The following USP40 variants were observed in gnomAD, a reference collection of about 807,000 sequenced individuals.
USP40 encodes the protein ubiquitin carboxyl-terminal hydrolase 40.
In USP40, 143 loss-of-function variants were observed where a neutral mutation model predicts 166.2. That is an observed-to-expected ratio of 0.86 (90% CI 0.75 to 0.99). USP40 has a LOEUF of 0.99. Ranked by LOEUF, USP40 falls within the 50% of genes least tolerant of loss-of-function variation. The probability of loss-of-function intolerance (pLI) is 0.00; values close to 1 mark genes in which losing one functional copy is unlikely to be tolerated. For synonymous variants in USP40, 498 were observed against 524.0 expected (o/e 0.95, Z 0.68); for missense variants, 1,444 against 1,479.7 (o/e 0.98, Z 0.40).
chr2:233,507,017 T>C (rs1397591569), intron 21 of USP40, among the ~76,000 whole-genome samples: 1 of 152,058 alleles, frequency 6.6e-6, no homozygotes, highest in African/African-American at 2.4e-5. Context: ...CAAAAGACTT[T>C]AGTAAACATT....
intron 7 of USP40, among the ~76,000 whole-genome samples, chr2:233,549,483 C>A (rs1451916921): frequency 6.6e-6 from 1 of 152,032 alleles, no homozygotes; most frequent in East Asian, 1.9e-4. Flanking sequence ...AAATACGTTA[C>A]TTTTATGTAC....
At chr2:233,494,968 A>ACATATATATAATATAATG (rs2065648277) in intron 24 of USP40, among the ~76,000 whole-genome samples, 1 of 77,820 alleles carries the variant, frequency 1.3e-5, no homozygotes, top group Non-Finnish European at 2.5e-5. Context: ...ATATATATAT[A>ACATATATATAATATAATG]TATATATATA....
intron 28 of USP40, among the ~76,000 whole-genome samples, chr2:233,487,243 CTTA>C (rs2065004411): frequency 6.6e-6 from 1 of 152,212 alleles, no homozygotes; most frequent in Non-Finnish European, 1.5e-5. Flanking sequence ...AATGCCTGAA[CTTA>C]TTAGTCATCA....
chr2:233,542,174 A>T (rs2069477692), intron 9 of USP40, 94 bp downstream of exon 9: 1 of 546,336 alleles, frequency 1.8e-6, no homozygotes, highest in East Asian at 3.5e-5. Context: ...CACACCTAGC[A>T]ATTAAACCGC....
chr2:233,491,728 T>C (rs900541980), intron 25 of USP40, among the ~76,000 whole-genome samples: 1 of 152,170 alleles, frequency 6.6e-6, no homozygotes, highest in Non-Finnish European at 1.5e-5. Context: ...CCCCAGTTCC[T>C]GGTACAATGG....
rs528044161 is a variant in USP40 at position 233,515,620 on chromosome 2, A to T, written c.2384-2998T>A. ...GTTGATTGTCAAATATGTGTTTCAT[A>T]AATATTTTCTCCCAGTTTGTGGCTT... On this transcript the variant is annotated intron_variant, in intron 18 of 31. Coordinates refer to ENST00000678225, the MANE Select transcript of USP40 (RefSeq NM_001365479.2). Among the ~76,000 whole-genome samples the T allele has an allele frequency of 2.0e-5, 3 of 152,124 alleles. No individual in the cohort carries two copies. The South Asian group carries it at 6.2e-4, about 32-fold the overall frequency.
At chr2:233,519,765 G>C (rs1314598416) in intron 17 of USP40, 94 bp from the exon 18 acceptor site, 3 of 647,942 alleles carry the variant, frequency 4.6e-6, no homozygotes, top group East Asian at 3.4e-5. Context: ...AATTATTTGA[G>C]ATATTAATTA....
At chr2:233,512,977 T>A (rs2066938279) in intron 18 of USP40, 1 of 153,930 alleles carries the variant, frequency 6.5e-6, no homozygotes, top group African/African-American at 2.4e-5. Flanking sequence ...TAAAACCCTC[T>A]TCGTTATTAA....
chr2:233,483,098 T>C (rs947605830), intron 30 of USP40, among the ~76,000 whole-genome samples: 16 of 152,228 alleles, frequency 1.1e-4, no homozygotes, highest in African/African-American at 3.9e-4. Context: ...GTGACTTCCC[T>C]TTTCACTGTT....
At chr2:233,494,270 C>A (rs1308080314) in intron 24 of USP40, among the ~76,000 whole-genome samples, 2 of 144,624 alleles carry the variant, frequency 1.4e-5, no homozygotes, top group Admixed American at 6.8e-5. Context: ...CAACAAAATT[C>A]CATTTTTTTT....
At chr2:233,515,671 T>C (rs986578056) in intron 18 of USP40, among the ~76,000 whole-genome samples, 1 of 152,052 alleles carries the variant, frequency 6.6e-6, no homozygotes, top group African/African-American at 2.4e-5. Context: ...TTTTGAAGAG[T>C]AGAAGTTTAA....
In USP40 at chr2:233,533,499, T is replaced by A; in HGVS notation, c.1451A>T (p.Gln484Leu). The A allele has an allele frequency of 6.2e-7, 1 of 1,613,546 alleles. No homozygotes were observed. Among genetic ancestry groups the A allele is most frequent in the Non-Finnish European group, 8.5e-7 (1 of 1,179,564 alleles). ...CATACCTTCAGGGGGTCTCTGCAAC[T>A]GGGATTTCCGATAAAACAACATGTA... ...SAYMLFYRKSQLQRPPEARAN... is the reference protein window; with the variant it reads ...SAYMLFYRKSLLQRPPEARAN... The change falls in exon 11 of 32, where the codon CAG becomes CTG. Residue 484 changes from glutamine (Q) to leucine (L), a missense_variant. Coordinates refer to ENST00000678225, the MANE Select transcript of USP40 (RefSeq NM_001365479.2).
In USP40 at chr2:233,485,556, T is replaced by C; in HGVS notation, c.3479A>G (p.Lys1160Arg). ...DYLQGAPYYL[K>R]DGDTIGVKNL... ...CTTAACACCAATAGTATCTCCGTCTTTCAAGTAATACGGTGCCCCTTGCAA... is the reference window on the plus strand; with the variant it reads ...CTTAACACCAATAGTATCTCCGTCTCTCAAGTAATACGGTGCCCCTTGCAA... The change falls in exon 30 of 32, where the codon AAA (lysine) becomes AGA (arginine). Residue 1160 changes from lysine (K) to arginine (R), a missense_variant. Coordinates refer to ENST00000678225, the MANE Select transcript of USP40 (RefSeq NM_001365479.2). 1 of 1,613,954 alleles carries C rather than the reference T, an allele frequency of 6.2e-7. No individual in the cohort carries two copies. Among genetic ancestry groups the C allele is most frequent in the Non-Finnish European group, 8.5e-7 (1 of 1,179,862 alleles).
chr2:233,523,838 C>T (rs1298735001), intron 15 of USP40, among the ~76,000 whole-genome samples: 1 of 152,078 alleles, frequency 6.6e-6, no homozygotes, highest in African/African-American at 2.4e-5. Context: ...AAACCACCCC[C>T]ACTCCCCAAC....
At position 233,499,903 on chromosome 2, in the gene USP40, T is replaced by C. The variant is rs774132267; in HGVS notation, c.2626A>G (p.Met876Val). ...TISVRDCLKL[M>V]LKKSGLQGDA... ...CCTTGTAGGCCAGATTTCTTCAGCA[T>C]TAACTTTAAACACTGTAAAGAAAAA... The change falls in exon 22 of 32, where the codon ATG (methionine) becomes GTG (valine). Residue 876 changes from methionine (M) to valine (V), a missense_variant. Met to Val is a conservative substitution (Grantham distance 21, BLOSUM62 1). Transcript: ENST00000678225. 3.7e-6 allele frequency: 6 copies of C among 1,612,358 alleles called. No homozygotes were observed. Among genetic ancestry groups the C allele is most frequent in the African/African-American group, 2.7e-5 (2 of 74,872 alleles).
At chr2:233,539,830 A>G (rs2069235515) in intron 10 of USP40, among the ~76,000 whole-genome samples, 2 of 152,184 alleles carry the variant, frequency 1.3e-5, no homozygotes, top group Admixed American at 1.3e-4. Flanking sequence ...AATAGAGAAA[A>G]TCAATAGCAT....
intron 4 of USP40, among the ~76,000 whole-genome samples, chr2:233,558,858 A>G (rs1449613168): frequency 6.6e-6 from 1 of 152,124 alleles, no homozygotes; most frequent in African/African-American, 2.4e-5. Flanking sequence ...GAAATTTAAC[A>G]TACTTGTTTA....
chr2:233,544,426 T>A (rs571922828), intron 8 of USP40, among the ~76,000 whole-genome samples: 1 of 152,260 alleles, frequency 6.6e-6, no homozygotes, highest in South Asian at 2.1e-4. Flanking sequence ...AAATCACTCG[T>A]CACTGGTGAC....
chr2:233,541,111 C>T (rs1033434296), intron 9 of USP40, among the ~76,000 whole-genome samples: 4 of 152,050 alleles, frequency 2.6e-5, no homozygotes, highest in African/African-American at 4.8e-5. Flanking sequence ...GGAAGAGATA[C>T]GTAAGTACAA....
Sources: gnomAD v4.1 joint callset for allele counts (sites outside exome capture counted in the v4.1 genomes callset) on GRCh38, gnomAD v4.1.1 for gene constraint, MANE v1.5 for transcripts, NCBI Gene and HGNC (gene_info 2026-07-23, HGNC 2026-07-21) for gene names.